EXOC1: variants seen among roughly 807,000 people sequenced by gnomAD.
The protein encoded by EXOC1 is SEC3-like 1.
A neutral mutation model predicts 107.7 loss-of-function variants in EXOC1; 67 were observed. The ratio of observed to expected loss-of-function variants is 0.62; its 90% CI spans 0.51 to 0.76. The LOEUF is 0.76. Ranked by LOEUF, EXOC1 falls within the 30% of genes least tolerant of loss-of-function variation. EXOC1 has a pLI of 0.00. For synonymous variants in EXOC1, 348 were observed against 353.5 expected (o/e 0.98, Z 0.17); for missense variants, 833 against 1,055.7 (o/e 0.79, Z 2.92).
rs972428384 is a variant in EXOC1, at chr4:55,896,840, G to A, written c.2077G>A (p.Glu693Lys). 4 of 1,611,362 alleles carry A rather than the reference G, an allele frequency of 2.5e-6. No homozygotes were observed. The African/African-American group carries it at 4.0e-5, about 16-fold the overall frequency. Residue 693 changes from glutamate to lysine, a missense_variant, in exon 16 of 19, where the codon GAG becomes AAG. Transcript: ENST00000381295. ...GLAESIFKNA[E>K]RRGDLDKAYT... ...TGCAGAATCAATCTTCAAAAATGCT[G>A]AGCGTCGTGGAGACCTGGATAAAGC... is the stretch of plus-strand genomic sequence containing the variant.
At chr4:55,878,633 A>G (rs557209424) in intron 9 of EXOC1, among the ~76,000 whole-genome samples, 28 of 152,302 alleles carry the variant, frequency 1.8e-4, no homozygotes, top group Non-Finnish European at 3.1e-4. Flanking sequence ...ACCATGGGGG[A>G]AACTTCATGG....
chr4:55,878,960 T>C (rs2110350782), intron 9 of EXOC1, among the ~76,000 whole-genome samples: 1 of 152,294 alleles, frequency 6.6e-6, no homozygotes, highest in South Asian at 2.1e-4. Flanking sequence ...GCCAGGAAGA[T>C]GGTGTTGGGA....
chr4:55,865,969 A>G (rs1721923173), intron 4 of EXOC1, among the ~76,000 whole-genome samples: 1 of 152,174 alleles, frequency 6.6e-6, no homozygotes, highest in African/African-American at 2.4e-5. Flanking sequence ...ATCACTTGCT[A>G]TATACGTCAG....
At chr4:55,876,360 A>C (rs1038262331) in intron 8 of EXOC1, 7 of 944,676 alleles carry the variant, frequency 7.4e-6, no homozygotes, top group Middle Eastern at 5.4e-4. Flanking sequence ...GTGTTTTTAG[A>C]ATGTTTCAGA....
chr4:55,890,844 C>T (rs1228010674), intron 12 of EXOC1, among the ~76,000 whole-genome samples: 1 of 152,220 alleles, frequency 6.6e-6, no homozygotes, highest in African/African-American at 2.4e-5. Context: ...GTTCTTCTGC[C>T]TCCCTCCCAG....
chr4:55,872,431 T>C lies in EXOC1; in HGVS notation c.1074+473T>C, dbSNP rs1315669583. 2.0e-5 allele frequency among the ~76,000 whole-genome samples: 3 copies of C among 152,110 alleles called. No individual in the cohort carries two copies. The East Asian group carries it at 5.8e-4, about 29-fold the overall frequency. The stretch of plus-strand genomic sequence containing the variant: ...CAAATTTCAGTTGATCTAATCTTCA[T>C]ATAAATGCTTTACCTATATTTTTAT... On this transcript the variant is annotated intron_variant, in intron 8 of 18. Transcript: ENST00000381295.
chr4:55,875,772 C>T (rs187336547), intron 8 of EXOC1: 1 of 985,318 alleles, frequency 1.0e-6, no homozygotes, highest in Admixed American at 6.1e-5. Context: ...CCAATTAAGG[C>T]ACATAGTTTA....
chr4:55,868,609 T>A, intron 5 of EXOC1, 86 bp downstream of exon 5: 1 of 1,218,856 alleles, frequency 8.2e-7, no homozygotes, highest in Non-Finnish European at 1.1e-6. Flanking sequence ...CCTCAGCACT[T>A]AAGCCTTTAT....
intron 6 of EXOC1, 68 bp from the exon 7 acceptor site, chr4:55,871,033 T>C (rs1722380848): frequency 6.3e-7 from 1 of 1,584,234 alleles, no homozygotes; most frequent in East Asian, 2.2e-5. Flanking sequence ...ATGATAGGAC[T>C]GAATAGCATC....
In EXOC1 at chr4:55,853,748, C is replaced by A. The variant is rs1394498251; in HGVS notation, c.-216C>A. The A allele has an allele frequency of 6.6e-6, 1 of 152,308 alleles. No homozygotes were observed. Among genetic ancestry groups the A allele is most frequent in the East Asian group, 1.9e-4 (1 of 5,202 alleles). The allele number at this position is 152,308 out of a possible 1,614,324, so 9.4% of individuals were successfully genotyped here. A position where few individuals can be genotyped will look rare whatever the true frequency, so the allele number is the denominator to read the frequency against. ...TATCCTAGTGGCCCCCATCCGGTCT[C>A]CGTTTTGGAAGACCCGCCTCGGCAC... On this transcript the variant is annotated 5_prime_UTR_variant, in exon 1 of 19. Coordinates refer to ENST00000381295, the MANE Select transcript of EXOC1 (RefSeq NM_001024924.2).
chr4:55,870,175 A>G (rs12640685), intron 5 of EXOC1, among the ~76,000 whole-genome samples: 4,758 of 152,342 alleles, frequency 0.031, 135 homozygotes, highest in Admixed American at 0.079. Context: ...AATTAGTTTC[A>G]TATATCCTTC....
intron 9 of EXOC1, 177 bp from the exon 10 acceptor site, chr4:55,883,646 T>C (rs1221407567): frequency 2.0e-5 from 9 of 453,682 alleles, no homozygotes; most frequent in Admixed American, 4.3e-5. Context: ...GTTAATGTTA[T>C]GATGCCTATT....
At chr4:55,871,369 A>C (rs1216542240) in intron 7 of EXOC1, 136 bp downstream of exon 7, 1 of 1,133,950 alleles carries the variant, frequency 8.8e-7, no homozygotes, top group East Asian at 2.6e-5. Flanking sequence ...AGTTTCACTG[A>C]TTTCCCAACT....
At chr4:55,855,850 A>G (rs1720913473) in intron 1 of EXOC1, among the ~76,000 whole-genome samples, 2 of 152,236 alleles carry the variant, frequency 1.3e-5, no homozygotes, top group Non-Finnish European at 2.9e-5. Context: ...GCCCTACAAC[A>G]TATTAAGGGA....
intron 1 of EXOC1, among the ~76,000 whole-genome samples, chr4:55,857,732 A>T (rs1259108790): frequency 6.6e-6 from 1 of 152,182 alleles, no homozygotes; most frequent in African/African-American, 2.4e-5. Flanking sequence ...ACCATTTTAC[A>T]ATCCCACCAG....
intron 5 of EXOC1, 79 bp downstream of exon 5, chr4:55,868,602 C>T (rs1446924935): frequency 2.3e-6 from 3 of 1,323,152 alleles, no homozygotes; most frequent in Non-Finnish European, 3.1e-6. Context: ...TATACTACCT[C>T]AGCACTTAAG....
intron 4 of EXOC1, 147 bp from the exon 5 acceptor site, chr4:55,868,189 G>T: frequency 2.1e-6 from 1 of 469,506 alleles, no homozygotes; most frequent in East Asian, 3.8e-5. Flanking sequence ...AATAAAGTTT[G>T]ATTTTTTCAT....
rs750179198 is a variant in EXOC1, at chr4:55,868,433, C to T, written c.513C>T (p.Ile171=). 2.1e-5 allele frequency: 34 copies of T among 1,611,914 alleles called. No homozygotes were observed. The highest frequency in any genetic ancestry group is 2.7e-5 in the Non-Finnish European group (32 of 1,179,014). The change falls in exon 5 of 19, where the codon ATC becomes ATT. Residue 171 remains isoleucine, a synonymous_variant. Transcript: ENST00000381295. ...QELNAREEQD[I]EIMMEGCEYA... Reference sequence around the variant, plus strand: ...TAAATGCAAGAGAAGAACAGGATATCGAAATAATGATGGAAGGCTGTGAAT... The same window carrying T: ...TAAATGCAAGAGAAGAACAGGATATTGAAATAATGATGGAAGGCTGTGAAT...
chr4:55,871,514 G>T (rs1072799), intron 7 of EXOC1, among the ~76,000 whole-genome samples: 2 of 152,028 alleles, frequency 1.3e-5, no homozygotes, highest in Non-Finnish European at 2.9e-5. Context: ...TTGGTTAGAC[G>T]AGAGCAATTA....
Sources: allele counts gnomAD v4.1 joint callset (sites outside exome capture counted in the v4.1 genomes callset), GRCh38; gene constraint gnomAD v4.1.1; transcripts MANE v1.5; gene names NCBI Gene and HGNC (gene_info 2026-07-23, HGNC 2026-07-21).